The following ITFG1 variants were observed in gnomAD, a reference collection of about 807,000 sequenced individuals.
The protein encoded by ITFG1 is integrin alpha FG-GAP repeat containing 1.
ITFG1 carries 34 observed loss-of-function variants against 81.8 expected under a neutral mutation model. That is an observed-to-expected ratio of 0.42 (90% CI 0.32 to 0.55). The LOEUF (loss-of-function observed/expected upper bound fraction) is 0.55, where lower values mean the gene tolerates loss of function less well. Among genes scored for constraint, ITFG1 ranks in the 20% least tolerant of loss-of-function variants. ITFG1 has a pLI of 0.17. For missense variants in ITFG1, 672 were observed against 755.4 expected, an observed-to-expected ratio of 0.89 and a Z score of 1.29; for synonymous variants, 285 against 270.6, an observed-to-expected ratio of 1.05 and a Z score of -0.52.
intron 10 of ITFG1, among the ~76,000 whole-genome samples, chr16:47,294,357 T>C (rs1035555436): frequency 2.0e-5 from 3 of 152,130 alleles, no homozygotes; most frequent in Admixed American, 6.5e-5. Context: ...TTTTGTTCTA[T>C]ATAAATTTTA....
At chr16:47,371,107 CCTTTT>C (rs1456957766) in intron 7 of ITFG1, among the ~76,000 whole-genome samples, 1 of 152,150 alleles carries the variant, frequency 6.6e-6, no homozygotes, top group African/African-American at 2.4e-5. Context: ...CATCTCTTTA[CCTTTT>C]CTTTTCTGAG....
chr16:47,363,258 A>G (rs992319171), intron 8 of ITFG1, among the ~76,000 whole-genome samples: 1 of 152,226 alleles, frequency 6.6e-6, no homozygotes, highest in Non-Finnish European at 1.5e-5. Flanking sequence ...CATAGTATTC[A>G]GCACAATATT....
Position 47,188,064 on chromosome 16 carries a change from T to C in ITFG1, c.1454-25400A>G, listed in dbSNP as rs1036299788. On this transcript the variant is annotated intron_variant, in intron 14 of 17. Transcript: ENST00000320640. ...AATGCAAATCAAAACCACAGTGAGATACCATCTCACACCAGTTAGAATGGC... is the reference window on the plus strand; with the variant it reads ...AATGCAAATCAAAACCACAGTGAGACACCATCTCACACCAGTTAGAATGGC... 1.6e-3 allele frequency among the ~76,000 whole-genome samples: 242 copies of C among 151,954 alleles called. 1 individual carries two copies. The highest frequency in any genetic ancestry group is 2.9e-3 in the Non-Finnish European group (197 of 67,974).
intron 14 of ITFG1, among the ~76,000 whole-genome samples, chr16:47,205,104 G>A (rs1596806847): frequency 2.0e-5 from 3 of 152,170 alleles, no homozygotes; most frequent in African/African-American, 4.8e-5. Context: ...CCAAATATCC[G>A]TAGAAGTTTG....
chr16:47,411,989 C>G (rs1449662712), intron 6 of ITFG1, among the ~76,000 whole-genome samples: 1 of 152,126 alleles, frequency 6.6e-6, no homozygotes, highest in East Asian at 1.9e-4. Flanking sequence ...AGAAATCTAG[C>G]CACAAATAAA....
chr16:47,368,318 G>A (rs1052037729), intron 7 of ITFG1, among the ~76,000 whole-genome samples: 7 of 150,458 alleles, frequency 4.7e-5, no homozygotes, highest in African/African-American at 9.8e-5. Flanking sequence ...TTGGAAGGCC[G>A]AGGCAGGCAG....
chr16:47,170,495 T>C (rs916864987), intron 14 of ITFG1, among the ~76,000 whole-genome samples: 1 of 151,908 alleles, frequency 6.6e-6, no homozygotes, highest in Non-Finnish European at 1.5e-5. Context: ...AATGGTGTGA[T>C]CTTGGCTCAC....
At chr16:47,306,821 G>A (rs930889721) in intron 10 of ITFG1, among the ~76,000 whole-genome samples, 2 of 151,664 alleles carry the variant, frequency 1.3e-5, no homozygotes, top group African/African-American at 4.8e-5. Flanking sequence ...GAGGCCGGGC[G>A]CGGTGGCTCA....
intron 1 of ITFG1, among the ~76,000 whole-genome samples, chr16:47,460,478 G>A (rs1421290442): frequency 2.6e-5 from 4 of 152,144 alleles, no homozygotes; most frequent in African/African-American, 9.7e-5. Flanking sequence ...CCTTGGGAGC[G>A]AACGTTGAGG....
chr16:47,163,165 C>A (rs1484257569), intron 14 of ITFG1, among the ~76,000 whole-genome samples: 1 of 152,116 alleles, frequency 6.6e-6, no homozygotes, highest in Non-Finnish European at 1.5e-5. Context: ...TACACATCAC[C>A]CGTTTAAAGT....
At chr16:47,392,389 A>C (rs1968543513) in intron 6 of ITFG1, among the ~76,000 whole-genome samples, 1 of 151,986 alleles carries the variant, frequency 6.6e-6, no homozygotes, top group Non-Finnish European at 1.5e-5. Flanking sequence ...TGGAGGTGAC[A>C]GTGTGTCTCA....
chr16:47,354,996 T>C (rs1370427475), intron 8 of ITFG1, among the ~76,000 whole-genome samples: 1 of 152,040 alleles, frequency 6.6e-6, no homozygotes, highest in Non-Finnish European at 1.5e-5. Context: ...CCTAAAAAAA[T>C]ATTACGAATA....
chr16:47,231,459 T>G (rs1965815799), intron 13 of ITFG1, among the ~76,000 whole-genome samples: 1 of 152,244 alleles, frequency 6.6e-6, no homozygotes, highest in Non-Finnish European at 1.5e-5. Flanking sequence ...CAGATATTTA[T>G]GATAGCACCA....
intron 6 of ITFG1, among the ~76,000 whole-genome samples, chr16:47,404,855 C>A (rs542137701): frequency 1.3e-5 from 2 of 152,204 alleles, no homozygotes; most frequent in South Asian, 4.1e-4. Flanking sequence ...AAAATGTTAT[C>A]TTGTGGTTTT....
At chr16:47,201,656 T>C (rs1965426372) in intron 14 of ITFG1, among the ~76,000 whole-genome samples, 1 of 152,224 alleles carries the variant, frequency 6.6e-6, no homozygotes, top group Non-Finnish European at 1.5e-5. Flanking sequence ...TGAGGACCCA[T>C]GAATTCCTAC....
chr16:47,399,011 C>A (rs1968626164), intron 6 of ITFG1, among the ~76,000 whole-genome samples: 1 of 152,194 alleles, frequency 6.6e-6, no homozygotes, highest in Non-Finnish European at 1.5e-5. Context: ...CCTTAATCAG[C>A]TCTGAGAAGT....
chr16:47,224,788 T>A (rs2151529400), intron 13 of ITFG1, among the ~76,000 whole-genome samples: 1 of 152,228 alleles, frequency 6.6e-6, no homozygotes, highest in African/African-American at 2.4e-5. Context: ...TCTGCTATAA[T>A]AAACATGTTC....
intron 6 of ITFG1, among the ~76,000 whole-genome samples, chr16:47,407,013 G>C (rs1968737443): frequency 6.6e-6 from 1 of 152,176 alleles, no homozygotes; most frequent in South Asian, 2.1e-4. Context: ...CGGGAAAATA[G>C]AATGGAAGGT....
chr16:47,164,973 A>T (rs1407146654), intron 14 of ITFG1, among the ~76,000 whole-genome samples: 1 of 152,248 alleles, frequency 6.6e-6, no homozygotes, highest in Non-Finnish European at 1.5e-5. Flanking sequence ...AGAATAGACA[A>T]TACTCAGTCC....
Sources: gnomAD v4.1 joint callset for allele counts (sites outside exome capture counted in the v4.1 genomes callset) on GRCh38, gnomAD v4.1.1 for gene constraint, MANE v1.5 for transcripts, NCBI Gene and HGNC (gene_info 2026-07-23, HGNC 2026-07-21) for gene names.